Variants in LRMDA observed in about 807,000 individuals in gnomAD.
LRMDA encodes leucine-rich melanocyte differentiation-associated protein.
LRMDA carries 18 observed loss-of-function variants against 29.8 expected under a neutral mutation model. That is an observed-to-expected ratio of 0.60 (90% CI 0.42 to 0.90). The LOEUF is 0.90. Among genes scored for constraint, LRMDA ranks in the 40% least tolerant of loss-of-function variants. The pLI is 0.00. For missense variants in LRMDA, 273 were observed against 273.9 expected, an observed-to-expected ratio of 1.00 and a Z score of 0.02; for synonymous variants, 125 against 109.4, an observed-to-expected ratio of 1.14 and a Z score of -0.89.
chr10:76,203,905 T>TCTCCATGTGCCCGTCCACCCATCC (rs1851481240), intron 5 of LRMDA, among the ~76,000 whole-genome samples: 1 of 145,770 alleles, frequency 6.9e-6, no homozygotes, highest in African/African-American at 2.6e-5. Flanking sequence ...TCTACCCATC[T>TCTCCATGTGCCCGTCCACCCATCC]CTCCATGTGC....
rs182896523 is a variant in LRMDA at position 75,528,010 on chromosome 10, T to G, written c.131+89516T>G. Among the ~76,000 whole-genome samples, 5 of 152,132 alleles carry G rather than the reference T, an allele frequency of 3.3e-5. No homozygotes were observed. In the East Asian group the frequency reaches 9.7e-4, roughly 29 times the overall value. ...CATGTTGCCCAGGCTGGTCTTGAAC[T>G]CCTGAGCTCAAGCAATCTACCTGTC... On this transcript the variant is annotated intron_variant, in intron 2 of 6. Coordinates refer to ENST00000611255, the MANE Select transcript of LRMDA (RefSeq NM_001305581.2).
At chr10:76,256,258 T>C (rs1402334309) in intron 5 of LRMDA, among the ~76,000 whole-genome samples, 3 of 152,230 alleles carry the variant, frequency 2.0e-5, no homozygotes, top group African/African-American at 7.2e-5. Context: ...TACTGGTCAC[T>C]GTGCTGAAAT....
At chr10:75,605,459 G>T (rs1306540203) in intron 2 of LRMDA, among the ~76,000 whole-genome samples, 1 of 152,144 alleles carries the variant, frequency 6.6e-6, no homozygotes, top group Non-Finnish European at 1.5e-5. Flanking sequence ...TACATTGTGG[G>T]ATACTTAACT....
At chr10:75,980,358 G>A (rs1028096914) in intron 2 of LRMDA, among the ~76,000 whole-genome samples, 1 of 152,196 alleles carries the variant, frequency 6.6e-6, no homozygotes, top group African/African-American at 2.4e-5. Flanking sequence ...CCCTGTGTCT[G>A]GCAGATGGAG....
At chr10:76,551,964 T>C (rs1024807991) in intron 6 of LRMDA, among the ~76,000 whole-genome samples, 1 of 152,172 alleles carries the variant, frequency 6.6e-6, no homozygotes, top group African/African-American at 2.4e-5. Flanking sequence ...ATCCCCTGCC[T>C]CCATCCTAGG....
chr10:75,810,797 A>ACTATAT (rs1202250074), intron 2 of LRMDA, among the ~76,000 whole-genome samples: 1 of 152,176 alleles, frequency 6.6e-6, no homozygotes, highest in Non-Finnish European at 1.5e-5. Flanking sequence ...ATGCATCTGG[A>ACTATAT]GCTTAGAGGA....
intron 2 of LRMDA, among the ~76,000 whole-genome samples, chr10:75,913,798 A>G (rs1166549248): frequency 6.6e-6 from 1 of 152,202 alleles, no homozygotes; most frequent in Non-Finnish European, 1.5e-5. Context: ...GAGCAAGGGG[A>G]CAGGAGAACG....
chr10:75,606,930 C>T (rs1376297519), intron 2 of LRMDA, among the ~76,000 whole-genome samples: 1 of 152,148 alleles, frequency 6.6e-6, no homozygotes, highest in Non-Finnish European at 1.5e-5. Context: ...GCACAAAGTT[C>T]CCAGTTTTAA....
At chr10:76,120,063 G>C (rs1308483679) in intron 5 of LRMDA, among the ~76,000 whole-genome samples, 1 of 152,018 alleles carries the variant, frequency 6.6e-6, no homozygotes, top group Non-Finnish European at 1.5e-5. Flanking sequence ...TCCTCATATA[G>C]AGCAGCCCCC....
At chr10:75,693,926 T>C (rs952040288) in intron 2 of LRMDA, among the ~76,000 whole-genome samples, 5 of 152,338 alleles carry the variant, frequency 3.3e-5, no homozygotes, top group African/African-American at 1.2e-4. Flanking sequence ...CTAGCTGGTT[T>C]TTCCTTAACT....
chr10:76,373,972 T>C (rs1281989763), intron 6 of LRMDA, among the ~76,000 whole-genome samples: 2 of 152,088 alleles, frequency 1.3e-5, no homozygotes, highest in Non-Finnish European at 1.5e-5. Context: ...CTTGGAAAAA[T>C]ACAAAGCCCA....
At chr10:76,083,392 A>G (rs556250145) in intron 5 of LRMDA, among the ~76,000 whole-genome samples, 16 of 152,258 alleles carry the variant, frequency 1.1e-4, no homozygotes, top group Middle Eastern at 3.4e-3. Context: ...TTGCCTACCC[A>G]GATGCTTCCA....
intron 6 of LRMDA, among the ~76,000 whole-genome samples, chr10:76,387,300 T>C (rs2132479041): frequency 6.6e-6 from 1 of 152,212 alleles, no homozygotes; most frequent in South Asian, 2.1e-4. Context: ...GGTGAAATGA[T>C]TAGAAATGTG....
chr10:75,878,568 G>A (rs1299361948), intron 2 of LRMDA, among the ~76,000 whole-genome samples: 1 of 152,130 alleles, frequency 6.6e-6, no homozygotes, highest in Non-Finnish European at 1.5e-5. Flanking sequence ...GTCTGTGCCT[G>A]CTAGGGTCTT....
intron 6 of LRMDA, among the ~76,000 whole-genome samples, chr10:76,373,200 G>C (rs942482278): frequency 2.0e-5 from 3 of 152,102 alleles, no homozygotes; most frequent in Admixed American, 6.5e-5. Context: ...GTTTAGCTAA[G>C]AATGTCCATA....
intron 2 of LRMDA, among the ~76,000 whole-genome samples, chr10:75,471,301 A>C (rs1407946816): frequency 6.9e-6 from 1 of 145,192 alleles, no homozygotes; most frequent in Non-Finnish European, 1.5e-5. Flanking sequence ...TAAAAAGCTT[A>C]CCTTTTTTTT....
intron 2 of LRMDA, among the ~76,000 whole-genome samples, chr10:75,812,337 A>G (rs1262314698): frequency 6.6e-6 from 1 of 152,100 alleles, no homozygotes; most frequent in African/African-American, 2.4e-5. Flanking sequence ...GCATGAAACA[A>G]AAAGTTAGCA....
At chr10:75,464,360 C>T (rs972028867) in intron 2 of LRMDA, among the ~76,000 whole-genome samples, 1 of 152,036 alleles carries the variant, frequency 6.6e-6, no homozygotes, top group Admixed American at 6.6e-5. Flanking sequence ...TGTGTATACT[C>T]GAGTGGTGTG....
chr10:76,240,805 CACATATATATGTATATATATACACAT>C (rs55650080), intron 5 of LRMDA, among the ~76,000 whole-genome samples: 86 of 16,232 alleles, frequency 5.3e-3, no homozygotes, highest in Admixed American at 0.015. Context: ...TAGATAGATA[CACATATATATGTATATATATACACAT>C]ACATATATAT....
Sources: allele counts gnomAD v4.1 joint callset (sites outside exome capture counted in the v4.1 genomes callset), GRCh38; gene constraint gnomAD v4.1.1; transcripts MANE v1.5; gene names NCBI Gene and HGNC (gene_info 2026-07-23, HGNC 2026-07-21).